Variants in ALCAM observed in about 807,000 individuals in gnomAD.
ALCAM encodes the protein activated leukocyte cell adhesion molecule.
ALCAM carries 30 observed loss-of-function variants against 70.9 expected under a neutral mutation model. That is an observed-to-expected ratio of 0.42 (90% confidence interval 0.32 to 0.57). ALCAM has a LOEUF of 0.57. ALCAM is among the 20% of genes least tolerant of loss of function. ALCAM has a pLI of 0.11. For missense variants in ALCAM, 591 were observed against 695.1 expected (o/e 0.85, Z 1.68); for synonymous variants, 249 against 242.5 (o/e 1.03, Z -0.25).
Position 105,575,017 on chromosome 3 carries a change from G to A in ALCAM, c.*566G>A, listed in dbSNP as rs1037804872. 8.5e-5 allele frequency: 13 copies of A among 152,404 alleles called. No individual in the cohort carries two copies. Among genetic ancestry groups the A allele is most frequent in the African/African-American group, 3.1e-4 (13 of 41,414 alleles). The allele number at this position is 152,404 out of a possible 1,614,324, so 9.4% of individuals were successfully genotyped here. A position where few individuals can be genotyped will look rare whatever the true frequency, so the allele number is the denominator to read the frequency against. ...GTGATTTTTATCACAAGGGAGGGGA[G>A]GCCGAGAGTCAGACTGATAGACACC... On this transcript the variant is annotated 3_prime_UTR_variant, in exon 16 of 16. Transcript: ENST00000306107.
chr3:105,532,154 G>T (rs899155865), intron 4 of ALCAM, 88 bp downstream of exon 4: 166 of 1,156,774 alleles, frequency 1.4e-4, no homozygotes, highest in Middle Eastern at 2.0e-4. Context: ...AGTAAGAAAG[G>T]CTTTGCTCTT....
chr3:105,496,342 A>C (rs572806183), intron 1 of ALCAM, among the ~76,000 whole-genome samples: 1 of 143,966 alleles, frequency 6.9e-6, no homozygotes, highest in South Asian at 2.3e-4. Context: ...AAGGACTAAC[A>C]GTCATTTCCC....
chr3:105,426,019 T>C (rs2107426367), intron 1 of ALCAM, among the ~76,000 whole-genome samples: 1 of 151,928 alleles, frequency 6.6e-6, no homozygotes, highest in Non-Finnish European at 1.5e-5. Flanking sequence ...TAGCTTTAGG[T>C]CACAGCAAAA....
At chr3:105,484,528 G>C (rs1324919910) in intron 1 of ALCAM, among the ~76,000 whole-genome samples, 2 of 152,002 alleles carry the variant, frequency 1.3e-5, no homozygotes, top group East Asian at 3.8e-4. Flanking sequence ...GGAGGAAATA[G>C]TCTATTGATT....
intron 1 of ALCAM, among the ~76,000 whole-genome samples, chr3:105,496,615 A>T (rs950628331): frequency 6.6e-5 from 10 of 152,160 alleles, no homozygotes; most frequent in African/African-American, 2.4e-4. Context: ...GTCACTCAGC[A>T]TGCCCCCTCT....
intron 1 of ALCAM, among the ~76,000 whole-genome samples, chr3:105,437,331 T>C (rs1937071938): frequency 6.6e-6 from 1 of 152,238 alleles, no homozygotes; most frequent in Non-Finnish European, 1.5e-5. Flanking sequence ...ATATCATCTA[T>C]TATAAGTAAT....
chr3:105,551,507 A>G (rs1269168365), intron 12 of ALCAM, among the ~76,000 whole-genome samples: 7 of 151,858 alleles, frequency 4.6e-5, no homozygotes, highest in African/African-American at 2.4e-5. Flanking sequence ...GTTCCGATGC[A>G]TGCCCATGCA....
chr3:105,516,375 G>T (rs982344808), intron 1 of ALCAM, among the ~76,000 whole-genome samples: 1 of 151,834 alleles, frequency 6.6e-6, no homozygotes, highest in African/African-American at 2.4e-5. Context: ...TGTTTTCAGT[G>T]CCTCTTTTAA....
In ALCAM at chr3:105,575,887, C is replaced by T. The variant is rs1348015017; in HGVS notation, c.*1436C>T. The stretch of plus-strand genomic sequence containing the variant: ...AAAACTGGTGTTTGTTTCTTAGACT[C>T]ATGAAATAAAAAATTATGAAGGCAA... On this transcript the variant is annotated 3_prime_UTR_variant, in exon 16 of 16. Coordinates refer to ENST00000306107, the MANE Select transcript of ALCAM (RefSeq NM_001627.4). The T allele has an allele frequency of 6.6e-6, 1 of 151,852 alleles. No homozygotes were observed. The highest frequency in any genetic ancestry group is 1.5e-5 in the Non-Finnish European group (1 of 67,968). 9.4% of individuals were successfully genotyped at this position (151,852 alleles called of 1,614,324 possible).
At chr3:105,501,185 G>C (rs1184872706) in intron 1 of ALCAM, among the ~76,000 whole-genome samples, 1 of 152,192 alleles carries the variant, frequency 6.6e-6, no homozygotes, top group Non-Finnish European at 1.5e-5. Context: ...TCATTAGCGA[G>C]AGTGACTGAC....
At chr3:105,392,859 T>C (rs551590440) in intron 1 of ALCAM, among the ~76,000 whole-genome samples, 36 of 151,974 alleles carry the variant, frequency 2.4e-4, no homozygotes, top group Non-Finnish European at 2.5e-4. Flanking sequence ...CAGGAGCAGG[T>C]TGTTCAATTT....
At chr3:105,494,594 CTTCT>C (rs1464111348) in intron 1 of ALCAM, among the ~76,000 whole-genome samples, 3 of 151,522 alleles carry the variant, frequency 2.0e-5, no homozygotes, top group African/African-American at 7.3e-5. Flanking sequence ...GCTTTCTTTC[CTTCT>C]TTCTCTCTCA....
intron 1 of ALCAM, among the ~76,000 whole-genome samples, chr3:105,423,097 A>G (rs1023642696): frequency 6.6e-6 from 1 of 151,486 alleles, no homozygotes; most frequent in Non-Finnish European, 1.5e-5. Flanking sequence ...AATTTTTTAT[A>G]AGAGATGCAT....
intron 1 of ALCAM, among the ~76,000 whole-genome samples, chr3:105,466,914 A>G (rs919454321): frequency 6.6e-6 from 1 of 151,374 alleles, no homozygotes; most frequent in Non-Finnish European, 1.5e-5. Flanking sequence ...TGCAGAAATG[A>G]CTTACATTAA....
intron 3 of ALCAM, among the ~76,000 whole-genome samples, chr3:105,530,392 A>G (rs529741750): frequency 4.5e-4 from 68 of 152,180 alleles, no homozygotes; most frequent in Middle Eastern, 3.4e-3. Flanking sequence ...CCCCCACACA[A>G]TATGTTTCCC....
intron 1 of ALCAM, among the ~76,000 whole-genome samples, chr3:105,454,356 G>T (rs970616378): frequency 1.6e-4 from 25 of 152,180 alleles, no homozygotes; most frequent in Non-Finnish European, 3.1e-4. Flanking sequence ...TTCTTGGCAT[G>T]AAGTACTAGG....
chr3:105,490,079 G>T (rs1938541121), intron 1 of ALCAM, among the ~76,000 whole-genome samples: 1 of 152,180 alleles, frequency 6.6e-6, no homozygotes, highest in Non-Finnish European at 1.5e-5. Context: ...TAAGAAGTTT[G>T]GAGAAGTGAG....
rs201952077 is a variant in ALCAM, at chr3:105,539,980, A to G, written c.736A>G (p.Thr246Ala). ...TGTGTCTGTAACTCTTACAGATCCT[A>G]CAGAGCAGGTGACAATACAAGTGCT... is the stretch of plus-strand genomic sequence containing the variant. The part of the protein sequence containing the change: ...EQAVFDIYYP[T>A]EQVTIQVLPP... Residue 246 changes from threonine to alanine, a missense_variant, in exon 7 of 16, where the codon ACA becomes GCA. This residue lies in a region of ALCAM where 427 missense variants were observed against 450.4 expected (regional missense o/e 0.95). Transcript: ENST00000306107. 1.9e-6 allele frequency: 3 copies of G among 1,612,148 alleles called. No homozygotes were observed. The highest frequency in any genetic ancestry group is 2.7e-5 in the African/African-American group (2 of 74,904).
At chr3:105,467,556 TAGA>T (rs1372546353) in intron 1 of ALCAM, among the ~76,000 whole-genome samples, 2 of 151,234 alleles carry the variant, frequency 1.3e-5, no homozygotes, top group Non-Finnish European at 3.0e-5. Flanking sequence ...TAATCTTACT[TAGA>T]AGATGACATT....
Sources: gnomAD v4.1 joint callset for allele counts (sites outside exome capture counted in the v4.1 genomes callset) on GRCh38, gnomAD v4.1.1 for gene constraint, gnomAD v4.1.1 regional missense constraint, MANE v1.5 for transcripts, NCBI Gene and HGNC (gene_info 2026-07-23, HGNC 2026-07-21) for gene names.